The following GLE1 variants were observed in gnomAD, a reference collection of about 807,000 sequenced individuals.
GLE1 encodes the protein GLE1 RNA export mediator.
Under a neutral mutation model 97.3 loss-of-function variants are expected in GLE1, and 78 were observed. That is an observed-to-expected ratio of 0.80 (90% confidence interval 0.67 to 0.97). GLE1 has a LOEUF of 0.97. GLE1 is among the 50% of genes least tolerant of loss of function. GLE1 has a pLI of 0.00. For missense variants in GLE1, 753 were observed against 857.5 expected (o/e 0.88, Z 1.52); for synonymous variants, 302 against 313.4 (o/e 0.96, Z 0.39).
rs372008961 is a variant in GLE1 at position 128,504,761 on chromosome 9, T to C, written c.-45T>C. On this transcript the variant is annotated 5_prime_UTR_variant, in exon 1 of 16. Coordinates refer to ENST00000309971, the MANE Select transcript of GLE1 (RefSeq NM_001003722.2). The stretch of plus-strand genomic sequence containing the variant: ...TCCCGGCGGCTGATTCGAGGGCTTG[T>C]TTGGTCAGAAGGGGGGCGTCAGAGA... The C allele has an allele frequency of 3.4e-5, 45 of 1,312,234 alleles. No homozygotes were observed. In the East Asian group the frequency reaches 6.2e-4, roughly 18 times the overall value. 81.3% of individuals were successfully genotyped at this position (1,312,234 alleles called of 1,614,324 possible).
In GLE1 at chr9:128,533,938, G is replaced by A. The variant is rs770110789; in HGVS notation, c.1633G>A (p.Glu545Lys). ...CACTTTCAAGGAGGGAATGGCTTTGGAAGACTATCAGAGGTAAAGTTGTTT... is the reference window on the plus strand; with the variant it reads ...CACTTTCAAGGAGGGAATGGCTTTGAAAGACTATCAGAGGTAAAGTTGTTT... ...YPTFKEGMAL[E>K]DYQRMLGYQV... Residue 545 changes from glutamate to lysine, a missense_variant, in exon 11 of 16, where the codon GAA (glutamate) becomes AAA (lysine). By Grantham distance (56) the Glu-to-Lys change is moderately conservative. Coordinates refer to ENST00000309971, the MANE Select transcript of GLE1 (RefSeq NM_001003722.2). 3.1e-6 allele frequency: 5 copies of A among 1,608,020 alleles called. No individual in the cohort carries two copies. Among genetic ancestry groups the A allele is most frequent in the Non-Finnish European group, 4.3e-6 (5 of 1,174,450 alleles).
At chr9:128,521,390 C>G (rs996399597) in intron 3 of GLE1, among the ~76,000 whole-genome samples, 1 of 151,732 alleles carries the variant, frequency 6.6e-6, no homozygotes, top group East Asian at 1.9e-4. Flanking sequence ...AAAAATTAGC[C>G]CCGTGTGATA....
chr9:128,504,773 G>A lies in GLE1; in HGVS notation c.-33G>A, dbSNP rs770917169. On this transcript the variant is annotated 5_prime_UTR_variant, in exon 1 of 16. Transcript: ENST00000309971. ...ATTCGAGGGCTTGTTTGGTCAGAAG[G>A]GGGGCGTCAGAGAAGCTGCCCCTTA... 1.2e-5 allele frequency: 16 copies of A among 1,377,878 alleles called. No homozygotes were observed. In the Middle Eastern group the frequency reaches 8.9e-4, roughly 76 times the overall value. The allele number at this position is 1,377,878 out of a possible 1,614,324, so 85.4% of individuals were successfully genotyped here. A position where few individuals can be genotyped will look rare whatever the true frequency, so the allele number is the denominator to read the frequency against.
chr9:128,535,496 T>C (rs1310355878), intron 11 of GLE1, among the ~76,000 whole-genome samples: 1 of 114,090 alleles, frequency 8.8e-6, no homozygotes. Context: ...CACTCCAGCC[T>C]GGGCAACAAG....
chr9:128,529,097 G>A (rs916175500), intron 9 of GLE1: 1 of 152,204 alleles, frequency 6.6e-6, no homozygotes, highest in East Asian at 1.9e-4. Context: ...CTGGAACAGG[G>A]CAAGGTATAA....
chr9:128,522,505 T>C (rs956258832), intron 3 of GLE1, among the ~76,000 whole-genome samples, 163 bp from the exon 4 acceptor site: 5 of 151,850 alleles, frequency 3.3e-5, no homozygotes, highest in South Asian at 2.1e-4. Context: ...ATACAAAAAT[T>C]AGCTGGGCAT....
chr9:128,520,318 A>ATGTATATGTGTGTATATG (rs1217592722), intron 3 of GLE1, among the ~76,000 whole-genome samples: 6 of 148,434 alleles, frequency 4.0e-5, no homozygotes, highest in Non-Finnish European at 8.9e-5. Flanking sequence ...ATGTGTATAT[A>ATGTATATGTGTGTATATG]TGTATATGTG....
chr9:128,505,728 A>G (rs1846622229), intron 1 of GLE1, among the ~76,000 whole-genome samples: 1 of 152,158 alleles, frequency 6.6e-6, no homozygotes, highest in South Asian at 2.1e-4. Flanking sequence ...TGGTTACGTT[A>G]TTATCTGCCT....
intron 3 of GLE1, among the ~76,000 whole-genome samples, chr9:128,521,359 C>A (rs1021823945): frequency 6.6e-6 from 1 of 151,914 alleles, no homozygotes; most frequent in Non-Finnish European, 1.5e-5. Context: ...TATAGTGAGA[C>A]CCTGACTCTA....
At position 128,539,669 on chromosome 9, in the gene GLE1, A is replaced by G; in HGVS notation, c.1935A>G (p.Leu645=). The stretch of plus-strand genomic sequence containing the variant: ...ACCAGGTTCAGTTCTGGAAGATGCT[A>G]ATTCTCATCAAAGAGGACTACTTTC... The part of the protein sequence containing the change: ...KQYQVQFWKM[L]ILIKEDYFPR... Residue 645 remains leucine, a synonymous_variant, in exon 14 of 16, where the codon CTA becomes CTG. Transcript: ENST00000309971. 2 of 1,611,548 alleles carry G rather than the reference A, an allele frequency of 1.2e-6. No homozygotes were observed. Among genetic ancestry groups the G allele is most frequent in the Non-Finnish European group, 1.7e-6 (2 of 1,177,648 alleles).
intron 3 of GLE1, among the ~76,000 whole-genome samples, chr9:128,516,951 A>T (rs1847007257): frequency 6.6e-6 from 1 of 152,012 alleles, no homozygotes. Flanking sequence ...TTAGGAAAGC[A>T]ATGCATGATC....
intron 1 of GLE1, among the ~76,000 whole-genome samples, chr9:128,507,094 G>A (rs1176269921): frequency 1.3e-5 from 2 of 151,834 alleles, no homozygotes; most frequent in African/African-American, 4.8e-5. Context: ...GAGACCCCTG[G>A]TTTCCTTTGA....
At chr9:128,536,239 G>T in intron 11 of GLE1, 116 bp from the exon 12 acceptor site, 2 of 747,966 alleles carry the variant, frequency 2.7e-6, no homozygotes, top group Non-Finnish European at 4.7e-6. Context: ...TCACCACATT[G>T]GCCAGGCTAG....
At chr9:128,522,345 C>T (rs1213671956) in intron 3 of GLE1, among the ~76,000 whole-genome samples, 1 of 152,080 alleles carries the variant, frequency 6.6e-6, no homozygotes, top group African/African-American at 2.4e-5. Flanking sequence ...GTGTTGAAGG[C>T]GCTCCAGAGA....
At position 128,537,906 on chromosome 9, in the gene GLE1, G is replaced by A. The variant is rs370873822; in HGVS notation, c.1777-80G>A. ...ATGATCTGGGGTTCATTTCCACTTG[G>A]TAATGGCTGGATGATACACTGGGAG... On this transcript the variant is annotated intron_variant, in intron 12 of 15. Coordinates refer to ENST00000309971, the MANE Select transcript of GLE1 (RefSeq NM_001003722.2). The A allele has an allele frequency of 3.7e-6, 3 of 813,596 alleles. No individual in the cohort carries two copies. In the South Asian group the frequency reaches 4.3e-5, roughly 12 times the overall value. 50.4% of individuals were successfully genotyped at this position (813,596 alleles called of 1,614,324 possible).
chr9:128,511,434 G>A (rs908062681), intron 2 of GLE1, among the ~76,000 whole-genome samples: 11 of 151,690 alleles, frequency 7.3e-5, no homozygotes, highest in Non-Finnish European at 1.3e-4. Context: ...TTGGCCGGGT[G>A]CAGTGGCTCA....
intron 2 of GLE1, among the ~76,000 whole-genome samples, chr9:128,510,321 C>T (rs746472031): frequency 4.0e-5 from 6 of 151,736 alleles, no homozygotes; most frequent in Non-Finnish European, 7.4e-5. Flanking sequence ...TTCCGCCTCC[C>T]GGCTTCAAGC....
intron 14 of GLE1, 26 bp downstream of exon 14, chr9:128,539,724 A>C: frequency 1.2e-6 from 2 of 1,613,906 alleles, no homozygotes; most frequent in South Asian, 2.2e-5. Context: ...AGCAGACAGC[A>C]GGGGATTAAG....
chr9:128,517,992 A>G (rs1239892424), intron 3 of GLE1, among the ~76,000 whole-genome samples: 1 of 152,160 alleles, frequency 6.6e-6, no homozygotes, highest in Non-Finnish European at 1.5e-5. Context: ...CCTTATTGCT[A>G]GTAATCAGAT....
Sources: gnomAD v4.1 joint callset for allele counts (sites outside exome capture counted in the v4.1 genomes callset) on GRCh38, gnomAD v4.1.1 for gene constraint, MANE v1.5 for transcripts, NCBI Gene and HGNC (gene_info 2026-07-23, HGNC 2026-07-21) for gene names.